The following VDAC1 variants were observed in gnomAD, a reference collection of about 807,000 sequenced individuals.
VDAC1 encodes the protein voltage dependent anion channel 1.
VDAC1 carries 10 observed loss-of-function variants against 34.7 expected under a neutral mutation model. The ratio of observed to expected loss-of-function variants is 0.29; its 90% CI spans 0.18 to 0.49. VDAC1 has a LOEUF of 0.49. Ranked by LOEUF, VDAC1 falls within the 20% of genes least tolerant of loss-of-function variation. VDAC1 has a pLI of 0.99. For missense variants in VDAC1, 230 were observed against 347.9 expected, an observed-to-expected ratio of 0.66 and a Z score of 2.69; for synonymous variants, 130 against 136.0, an observed-to-expected ratio of 0.96 and a Z score of 0.30.
At chr5:134,015,235 G>T in the VDAC1 span, among the ~76,000 whole-genome samples, 1 of 148,138 alleles carries the variant, frequency 6.8e-6, no homozygotes, top group African/African-American at 2.5e-5. Flanking sequence ...AGAGAGGGGG[G>T]CAAGGGTTGA....
the VDAC1 span, among the ~76,000 whole-genome samples, chr5:134,052,860 T>C: frequency 6.6e-6 from 1 of 151,854 alleles, no homozygotes; most frequent in Non-Finnish European, 1.5e-5. Flanking sequence ...CTCATGCCTG[T>C]AATCCCAGCA....
the VDAC1 span, among the ~76,000 whole-genome samples, chr5:134,060,344 G>C: frequency 6.6e-6 from 1 of 151,994 alleles, no homozygotes; most frequent in African/African-American, 2.4e-5. Context: ...ACCTGGCACA[G>C]TGCCTGGCAC....
intron 1 of VDAC1, among the ~76,000 whole-genome samples, chr5:133,998,271 G>T (rs1024525310): frequency 6.6e-6 from 1 of 152,164 alleles, no homozygotes; most frequent in South Asian, 2.1e-4. Flanking sequence ...TGGAGAAGGA[G>T]GTTTAGGGAA....
At chr5:134,047,158 C>G in the VDAC1 span, among the ~76,000 whole-genome samples, 1 of 152,158 alleles carries the variant, frequency 6.6e-6, no homozygotes, top group Non-Finnish European at 1.5e-5. Flanking sequence ...CCTGGAAACT[C>G]CCCAGTGAAT....
chr5:133,976,831 G>A (rs1157876133), intron 6 of VDAC1, among the ~76,000 whole-genome samples: 2 of 152,126 alleles, frequency 1.3e-5, no homozygotes, highest in South Asian at 2.1e-4. Context: ...ATCATTTGAG[G>A]TCAGGAGTTT....
the VDAC1 span, among the ~76,000 whole-genome samples, chr5:134,075,632 C>G: frequency 1.3e-5 from 2 of 151,996 alleles, no homozygotes; most frequent in African/African-American, 2.4e-5. Flanking sequence ...TGCCCAGGCT[C>G]GAGTGCAGTG....
Position 133,980,709 on chromosome 5 carries a change from C to CACG in VDAC1, c.551+19_551+20insCGT. On this transcript the variant is annotated intron_variant, in intron 6 of 8. Transcript: ENST00000265333. ...CTCCAACCCCACCCCTCCCACCCTG[C>CACG]TGCCCCCATGTACACTTACACATTA... The CACG allele has an allele frequency of 9.6e-7, 1 of 1,043,070 alleles. No homozygotes were observed. The highest frequency in any genetic ancestry group is 1.4e-6 in the Non-Finnish European group (1 of 697,332). The allele number at this position is 1,043,070 out of a possible 1,614,324, so 64.6% of individuals were successfully genotyped here.
At chr5:134,054,317 G>A in the VDAC1 span, among the ~76,000 whole-genome samples, 107,323 of 151,994 alleles carry the variant, frequency 0.71, 38,056 homozygotes, top group African/African-American at 0.74. Flanking sequence ...AAGGTGCAGC[G>A]GCTCAGGGCT....
At chr5:134,069,015 C>T in the VDAC1 span, among the ~76,000 whole-genome samples, 1 of 107,648 alleles carries the variant, frequency 9.3e-6, no homozygotes, top group South Asian at 3.1e-4. Flanking sequence ...TGTGTGTTCA[C>T]GTGCGCCTTT....
At chr5:134,006,915 G>A (rs537030522), upstream of VDAC1, among the ~76,000 whole-genome samples, 6 of 152,142 alleles carry the variant, frequency 3.9e-5, no homozygotes, top group Non-Finnish European at 7.4e-5. Flanking sequence ...CTCAGCTTCA[G>A]AGTGTTGGTG....
In VDAC1 at chr5:133,991,005, A is replaced by G. The variant is rs1753081801; in HGVS notation, c.267T>C (p.Asp89=). ...NTLGTEITVE[D]QLARGLKLTF... The stretch of plus-strand genomic sequence containing the variant: ...ATCTTTTCACAGCAGCCATTACCTG[A>G]TCTTCCACAGTAATCTCGGTGCCTA... The change falls in exon 4 of 9, where the codon GAT becomes GAC. Residue 89 remains aspartate, a synonymous_variant. Transcript: ENST00000265333. The G allele has an allele frequency of 6.2e-7, 1 of 1,613,970 alleles. No individual in the cohort carries two copies. Among genetic ancestry groups the G allele is most frequent in the Admixed American group, 1.7e-5 (1 of 59,996 alleles).
At chr5:134,008,720 T>C (rs1358887484), upstream of VDAC1, among the ~76,000 whole-genome samples, 2 of 152,220 alleles carry the variant, frequency 1.3e-5, no homozygotes, top group African/African-American at 2.4e-5. Context: ...GTACCAGAGC[T>C]TGAAGATGAA....
the VDAC1 span, among the ~76,000 whole-genome samples, chr5:134,081,367 CAG>C: frequency 2.6e-5 from 4 of 151,604 alleles, no homozygotes; most frequent in African/African-American, 9.7e-5. Context: ...TTGGTAGAGA[CAG>C]GGTTTCACCA....
At chr5:134,001,351 T>G (rs919655621) in intron 1 of VDAC1, among the ~76,000 whole-genome samples, 1 of 152,166 alleles carries the variant, frequency 6.6e-6, no homozygotes, top group Non-Finnish European at 1.5e-5. Context: ...GAACATTCGT[T>G]GAGCCCCCAG....
chr5:133,981,275 G>A (rs1203075311), intron 5 of VDAC1, among the ~76,000 whole-genome samples: 1 of 152,110 alleles, frequency 6.6e-6, no homozygotes, highest in Non-Finnish European at 1.5e-5. Flanking sequence ...GCATTCATTA[G>A]GTAGAAAGCC....
chr5:134,110,984 C>T, the VDAC1 span, among the ~76,000 whole-genome samples: 1 of 152,198 alleles, frequency 6.6e-6, no homozygotes, highest in South Asian at 2.1e-4. Flanking sequence ...AAAAATATCT[C>T]GTTCAAGAGC....
At chr5:134,033,826 A>G in the VDAC1 span, among the ~76,000 whole-genome samples, 1 of 151,934 alleles carries the variant, frequency 6.6e-6, no homozygotes, top group Non-Finnish European at 1.5e-5. Context: ...CCCCGTCTCT[A>G]CTAAAAATAC....
At chr5:134,015,619 T>C in the VDAC1 span, among the ~76,000 whole-genome samples, 1 of 152,052 alleles carries the variant, frequency 6.6e-6, no homozygotes, top group South Asian at 2.1e-4. Flanking sequence ...GAGAATTGCT[T>C]GAACGATTTT....
the VDAC1 span, among the ~76,000 whole-genome samples, chr5:134,080,675 T>C: frequency 1.3e-5 from 2 of 152,206 alleles, no homozygotes; most frequent in Non-Finnish European, 2.9e-5. Flanking sequence ...CAGACTGGGC[T>C]AGTGCTGTAT....
Sources: gnomAD v4.1 joint callset for allele counts (sites outside exome capture counted in the v4.1 genomes callset) on GRCh38, gnomAD v4.1.1 for gene constraint, MANE v1.5 for transcripts, NCBI Gene and HGNC (gene_info 2026-07-23, HGNC 2026-07-21) for gene names.